GSE1: variants seen among roughly 807,000 people sequenced by gnomAD.
The protein encoded by GSE1 is Gse1 coiled-coil protein.
A neutral mutation model predicts 112.6 loss-of-function variants in GSE1; 32 were observed. The ratio of observed to expected loss-of-function variants is 0.28; its 90% CI spans 0.21 to 0.38. The LOEUF is 0.38. Among genes scored for constraint, GSE1 ranks in the 10% least tolerant of loss-of-function variants. GSE1 has a pLI of 1.00. For synonymous variants in GSE1, 1,115 were observed against 735.6 expected, an observed-to-expected ratio of 1.52 and a Z score of -8.35; for missense variants, 2,348 against 1,699.2, an observed-to-expected ratio of 1.38 and a Z score of -6.71.
At chr16:85,208,781 C>T (rs1015964629) in intron 1 of GSE1, among the ~76,000 whole-genome samples, 1 of 151,184 alleles carries the variant, frequency 6.6e-6, no homozygotes, top group Non-Finnish European at 1.5e-5. Context: ...TGGGGTTCGC[C>T]GCGTGTTGGG....
chr16:85,570,611 C>A (rs539911699), intron 1 of GSE1, among the ~76,000 whole-genome samples: 2 of 152,210 alleles, frequency 1.3e-5, no homozygotes, highest in Non-Finnish European at 2.9e-5. Flanking sequence ...AGGTGGCCAG[C>A]GGGTCAGACC....
At chr16:85,252,725 A>G (rs1391420080) in intron 1 of GSE1, among the ~76,000 whole-genome samples, 2 of 152,224 alleles carry the variant, frequency 1.3e-5, no homozygotes, top group Non-Finnish European at 2.9e-5. Flanking sequence ...AGCCTCCAAC[A>G]TCAGAGAACG....
chr16:85,459,263 G>T (rs1260253200), intron 2 of GSE1, among the ~76,000 whole-genome samples: 1 of 152,252 alleles, frequency 6.6e-6, no homozygotes, highest in African/African-American at 2.4e-5. Context: ...GCAGGCAGGA[G>T]TTGTGGGTGC....
At chr16:85,304,185 A>G (rs1022669958) in intron 1 of GSE1, among the ~76,000 whole-genome samples, 9 of 152,200 alleles carry the variant, frequency 5.9e-5, no homozygotes, top group Admixed American at 4.6e-4. Context: ...CGGGCCCCAG[A>G]GACATAGCCA....
intron 1 of GSE1, among the ~76,000 whole-genome samples, chr16:85,617,786 G>A (rs1415286488): frequency 1.3e-5 from 2 of 152,102 alleles, no homozygotes; most frequent in African/African-American, 4.8e-5. Flanking sequence ...TGGGAAGATG[G>A]GCTGATGCTG....
At chr16:85,568,563 A>G (rs997323718) in intron 1 of GSE1, among the ~76,000 whole-genome samples, 1 of 152,206 alleles carries the variant, frequency 6.6e-6, no homozygotes, top group African/African-American at 2.4e-5. Context: ...GGATAGGCTC[A>G]TGAATATTCA....
chr16:85,551,372 C>G (rs2044906158), upstream of GSE1, among the ~76,000 whole-genome samples: 1 of 152,176 alleles, frequency 6.6e-6, no homozygotes, highest in South Asian at 2.1e-4. Flanking sequence ...CACCCCTAGC[C>G]AGGCCATAGG....
chr16:85,614,203 T>A (rs977973142), intron 1 of GSE1, among the ~76,000 whole-genome samples: 15 of 151,002 alleles, frequency 9.9e-5, no homozygotes, highest in African/African-American at 3.7e-4. Flanking sequence ...CTGCTCCGCC[T>A]GGATGCGCCT....
upstream of GSE1, among the ~76,000 whole-genome samples, chr16:85,611,979 G>A (rs2048013817): frequency 6.6e-6 from 1 of 152,102 alleles, no homozygotes; most frequent in South Asian, 2.1e-4. Flanking sequence ...GGGGCTGAAA[G>A]TCGAAACCCG....
intron 1 of GSE1, among the ~76,000 whole-genome samples, chr16:85,188,942 T>G (rs934618464): frequency 6.6e-6 from 1 of 152,226 alleles, no homozygotes; most frequent in African/African-American, 2.4e-5. Flanking sequence ...GTGCATTTTC[T>G]GGAGAGAGGA....
At chr16:85,614,118 G>C (rs1044660360) in intron 1 of GSE1, among the ~76,000 whole-genome samples, 3 of 99,726 alleles carry the variant, frequency 3.0e-5, no homozygotes, top group African/African-American at 1.2e-4. Context: ...GGCTGCCCCA[G>C]CCTCGGAGGT....
intron 1 of GSE1, chr16:85,594,235 G>C (rs2047122868): frequency 8.1e-6 from 1 of 123,616 alleles, no homozygotes; most frequent in African/African-American, 2.8e-5. Flanking sequence ...TGGGGGGTTG[G>C]GGGGGGGGGG....
At chr16:85,403,094 G>GT (rs905160005) in intron 2 of GSE1, among the ~76,000 whole-genome samples, 2 of 145,588 alleles carry the variant, frequency 1.4e-5, no homozygotes, top group Non-Finnish European at 3.0e-5. Flanking sequence ...TGGTTGCTGG[G>GT]GGGGGACTCA....
intron 12 of GSE1, 107 bp from the exon 13 acceptor site, chr16:85,665,869 G>C (rs555827175): frequency 1.4e-5 from 15 of 1,056,572 alleles, no homozygotes; most frequent in Non-Finnish European, 2.2e-5. Flanking sequence ...GGTTCTTTGC[G>C]CTAGGTCTTT....
chr16:85,385,260 G>A (rs1183178092), intron 2 of GSE1, among the ~76,000 whole-genome samples: 1 of 152,226 alleles, frequency 6.6e-6, no homozygotes, highest in Non-Finnish European at 1.5e-5. Flanking sequence ...GAGAAGGGGA[G>A]TCACATCAGC....
intron 2 of GSE1, among the ~76,000 whole-genome samples, chr16:85,421,372 C>T (rs1206042180): frequency 6.6e-6 from 1 of 152,116 alleles, no homozygotes; most frequent in African/African-American, 2.4e-5. Flanking sequence ...CCTCTGGACA[C>T]TCAGCACCGG....
intron 2 of GSE1, among the ~76,000 whole-genome samples, chr16:85,505,435 G>T (rs747094313): frequency 6.6e-6 from 1 of 152,130 alleles, no homozygotes; most frequent in Non-Finnish European, 1.5e-5. Context: ...GGCTGGGGAG[G>T]GTCACAGAAG....
chr16:85,571,485 C>T (rs887397832), intron 1 of GSE1, among the ~76,000 whole-genome samples: 4 of 152,222 alleles, frequency 2.6e-5, no homozygotes, highest in Non-Finnish European at 2.9e-5. Context: ...AAAGTTCCAC[C>T]GGACCGTGCC....
chr16:85,331,419 A>T (rs368399431), intron 1 of GSE1, among the ~76,000 whole-genome samples: 2 of 117,710 alleles, frequency 1.7e-5, no homozygotes, highest in Non-Finnish European at 3.7e-5. Context: ...ATATGCGTAT[A>T]TATGTATATA....
Sources: gnomAD v4.1 joint callset for allele counts (sites outside exome capture counted in the v4.1 genomes callset) on GRCh38, gnomAD v4.1.1 for gene constraint, MANE v1.5 for transcripts, NCBI Gene and HGNC (gene_info 2026-07-23, HGNC 2026-07-21) for gene names.